NPAS3: variants seen among roughly 807,000 people sequenced by gnomAD.
The protein encoded by NPAS3 is neuronal PAS domain protein 3, also known as neuronal PAS domain-containing protein 3.
NPAS3 carries 14 observed loss-of-function variants against 73.1 expected under a neutral mutation model. The ratio of observed to expected loss-of-function variants is 0.19; its 90% CI spans 0.13 to 0.30. NPAS3 has a LOEUF of 0.30. NPAS3 is among the 10% of genes least tolerant of loss of function. The pLI is 1.00. For synonymous variants in NPAS3, 620 were observed against 541.5 expected, an observed-to-expected ratio of 1.14 and a Z score of -2.01; for missense variants, 1,096 against 1,250.0, an observed-to-expected ratio of 0.88 and a Z score of 1.86.
intron 5 of NPAS3, among the ~76,000 whole-genome samples, chr14:33,636,928 G>C (rs1403612659): frequency 5.8e-5 from 7 of 120,392 alleles, no homozygotes; most frequent in African/African-American, 4.7e-5. Context: ...CACACACACA[G>C]AGTAATTGCA....
intron 2 of NPAS3, among the ~76,000 whole-genome samples, chr14:33,209,028 G>A (rs895922769): frequency 2.0e-5 from 3 of 152,146 alleles, no homozygotes; most frequent in Non-Finnish European, 2.9e-5. Context: ...TATGAGCAGC[G>A]CATTAGTTAA....
At chr14:33,704,389 C>T (rs1188924111) in intron 6 of NPAS3, among the ~76,000 whole-genome samples, 1 of 152,188 alleles carries the variant, frequency 6.6e-6, no homozygotes, top group Admixed American at 6.5e-5. Flanking sequence ...AAGTACATCA[C>T]TCTCAGAATT....
intron 2 of NPAS3, among the ~76,000 whole-genome samples, chr14:33,198,737 C>A (rs1175761719): frequency 3.9e-5 from 6 of 152,220 alleles, no homozygotes; most frequent in African/African-American, 7.2e-5. Context: ...CGCCATTCGC[C>A]TGCACTCCTG....
At chr14:33,702,585 C>G (rs2060551378) in intron 6 of NPAS3, among the ~76,000 whole-genome samples, 1 of 152,162 alleles carries the variant, frequency 6.6e-6, no homozygotes, top group Admixed American at 6.5e-5. Flanking sequence ...CATGACTTTT[C>G]TATGTATAAC....
chr14:33,799,991 G>A (rs200958997), exon 12 of NPAS3: 8 of 1,613,412 alleles, frequency 5.0e-6, no homozygotes, highest in Non-Finnish European at 6.8e-6. Flanking sequence ...GCGCTACGTG[G>A]AGAGCGAGTC....
intron 2 of NPAS3, among the ~76,000 whole-genome samples, chr14:33,211,037 A>T (rs1446714553): frequency 2.0e-5 from 3 of 152,216 alleles, no homozygotes; most frequent in African/African-American, 7.2e-5. Flanking sequence ...AAGTGAGCTT[A>T]GGTTTTCATT....
intron 1 of NPAS3, among the ~76,000 whole-genome samples, chr14:32,960,437 C>T (rs1260378074): frequency 1.3e-5 from 2 of 152,062 alleles, no homozygotes; most frequent in Non-Finnish European, 2.9e-5. Context: ...AAAGACATAC[C>T]TCTTCCAGCG....
chr14:33,013,263 A>G (rs1369315891), intron 1 of NPAS3, among the ~76,000 whole-genome samples: 3 of 152,126 alleles, frequency 2.0e-5, no homozygotes, highest in South Asian at 2.1e-4. Flanking sequence ...TGTCTTGTCT[A>G]TTTCTCCAGT....
downstream of NPAS3, chr14:33,802,554 T>G (rs1232295778): frequency 1.3e-5 from 2 of 152,242 alleles, no homozygotes; most frequent in African/African-American, 4.8e-5. Flanking sequence ...ATGTGAGAAC[T>G]GTAATGTGTA....
At chr14:33,352,633 A>G (rs758546595) in intron 3 of NPAS3, among the ~76,000 whole-genome samples, 1 of 152,210 alleles carries the variant, frequency 6.6e-6, no homozygotes, top group Non-Finnish European at 1.5e-5. Flanking sequence ...TGCTTTTCAT[A>G]CTAAACTACA....
chr14:33,718,576 G>T (rs2061018530), intron 6 of NPAS3, among the ~76,000 whole-genome samples: 1 of 152,124 alleles, frequency 6.6e-6, no homozygotes, highest in Non-Finnish European at 1.5e-5. Flanking sequence ...CAAGAACAAG[G>T]TAGTAACGTG....
At chr14:33,462,435 A>G (rs758472837) in intron 4 of NPAS3, among the ~76,000 whole-genome samples, 3 of 152,188 alleles carry the variant, frequency 2.0e-5, no homozygotes, top group East Asian at 1.9e-4. Flanking sequence ...TGGAAATGAC[A>G]TGTTTCCTAC....
intron 2 of NPAS3, among the ~76,000 whole-genome samples, chr14:33,161,548 T>A (rs1189506758): frequency 3.9e-5 from 6 of 152,364 alleles, no homozygotes. Context: ...TTGGTATCAC[T>A]GTACTTGACA....
intron 1 of NPAS3, among the ~76,000 whole-genome samples, chr14:32,956,975 C>G (rs1298877738): frequency 1.3e-5 from 2 of 152,160 alleles, no homozygotes; most frequent in African/African-American, 4.8e-5. Flanking sequence ...CCAGTGAGAG[C>G]ACTGAGTTCC....
rs540754740 is a variant in NPAS3, at chr14:33,437,763, A to G, written c.468+70495A>G. Among the ~76,000 whole-genome samples, 290 of 152,342 alleles carry G rather than the reference A, an allele frequency of 1.9e-3. 1 individual carries two copies. The highest frequency in any genetic ancestry group is 3.3e-3 in the Non-Finnish European group (222 of 68,042). ...ATCGACATTATGGACTAGTATATTCACATAGCCTTACAGAAGTAATGACCA... is the reference window on the plus strand; with the variant it reads ...ATCGACATTATGGACTAGTATATTCGCATAGCCTTACAGAAGTAATGACCA... On this transcript the variant is annotated intron_variant, in intron 4 of 11. Coordinates refer to ENST00000356141, the Ensembl canonical transcript of NPAS3.
Position 33,744,431 on chromosome 14 carries a change from A to G in NPAS3, c.852+9099A>G, listed in dbSNP as rs147994334. On this transcript the variant is annotated intron_variant, in intron 7 of 11. Coordinates refer to ENST00000356141, the Ensembl canonical transcript of NPAS3. ...TTTGGACCATGATTTGTGGCACCCC[A>G]AAACAATTATAACAGTAATATCAAA... is the stretch of plus-strand genomic sequence containing the variant. Among the ~76,000 whole-genome samples the G allele has an allele frequency of 4.7e-3, 720 of 152,292 alleles. 4 individuals carry two copies. Among genetic ancestry groups the G allele is most frequent in the African/African-American group, 0.016 (681 of 41,570 alleles).
At chr14:33,264,385 A>G (rs1263504401) in intron 3 of NPAS3, among the ~76,000 whole-genome samples, 1 of 152,156 alleles carries the variant, frequency 6.6e-6, no homozygotes, top group East Asian at 1.9e-4. Flanking sequence ...AAAAACCTGC[A>G]TGCTGTGCAC....
chr14:33,536,873 T>G (rs899768444), intron 4 of NPAS3, among the ~76,000 whole-genome samples: 1 of 152,182 alleles, frequency 6.6e-6, no homozygotes, highest in Non-Finnish European at 1.5e-5. Context: ...CTCAAATACC[T>G]TAGTCAAATT....
intron 1 of NPAS3, among the ~76,000 whole-genome samples, chr14:32,969,577 T>C (rs1314449386): frequency 6.6e-6 from 1 of 152,158 alleles, no homozygotes; most frequent in East Asian, 1.9e-4. Context: ...TTTTGTTAGA[T>C]TGAGTTTGTA....
Sources: gnomAD v4.1 joint callset for allele counts (sites outside exome capture counted in the v4.1 genomes callset) on GRCh38, gnomAD v4.1.1 for gene constraint, MANE v1.5 for transcripts, NCBI Gene and HGNC (gene_info 2026-07-23, HGNC 2026-07-21) for gene names.